Variants in SYT1 observed in about 807,000 individuals in gnomAD.
SYT1 encodes the protein synaptotagmin 1.
Under a neutral mutation model 44.8 loss-of-function variants are expected in SYT1, and 8 were observed. The ratio of observed to expected loss-of-function variants is 0.18; its 90% CI spans 0.10 to 0.32. The LOEUF (loss-of-function observed/expected upper bound fraction) is 0.32, where lower values mean the gene tolerates loss of function less well. Among genes scored for constraint, SYT1 ranks in the 10% least tolerant of loss-of-function variants. SYT1 has a pLI of 1.00. For missense variants in SYT1, 286 were observed against 509.3 expected, an observed-to-expected ratio of 0.56 and a Z score of 4.22; for synonymous variants, 154 against 188.8, an observed-to-expected ratio of 0.82 and a Z score of 1.51.
At chr12:78,895,192 A>G (rs1054745538) in intron 1 of SYT1, among the ~76,000 whole-genome samples, 45 of 151,744 alleles carry the variant, frequency 3.0e-4, no homozygotes, top group Admixed American at 1.3e-4. Flanking sequence ...TCATGAGAAT[A>G]TTACTTTTTT....
intron 1 of SYT1, among the ~76,000 whole-genome samples, chr12:78,964,696 T>C (rs1879682417): frequency 6.6e-6 from 1 of 152,176 alleles, no homozygotes; most frequent in South Asian, 2.1e-4. Context: ...CCTGTAAGTG[T>C]TATGACCTTA....
At chr12:79,072,414 T>C (rs1359792788) in intron 3 of SYT1, among the ~76,000 whole-genome samples, 6 of 152,256 alleles carry the variant, frequency 3.9e-5, no homozygotes, top group African/African-American at 1.4e-4. Flanking sequence ...TAATAAAGTT[T>C]GAAATTTTTG....
chr12:78,968,658 A>T (rs532254794), intron 1 of SYT1, among the ~76,000 whole-genome samples: 1 of 152,260 alleles, frequency 6.6e-6, no homozygotes, highest in East Asian at 1.9e-4. Context: ...TGATTGTTGA[A>T]CACTTCCCAA....
At chr12:79,116,740 T>C (rs575907004) in intron 3 of SYT1, among the ~76,000 whole-genome samples, 3 of 152,344 alleles carry the variant, frequency 2.0e-5, no homozygotes, top group South Asian at 2.1e-4. Flanking sequence ...TATTATAGGA[T>C]AACTATTTGC....
chr12:79,432,143 C>A (rs1328206470), intron 9 of SYT1, among the ~76,000 whole-genome samples: 2 of 151,328 alleles, frequency 1.3e-5, no homozygotes, highest in Non-Finnish European at 1.5e-5. Flanking sequence ...TAAAAAAGGG[C>A]CTACATTATT....
intron 9 of SYT1, among the ~76,000 whole-genome samples, chr12:79,417,940 C>T (rs2136148409): frequency 6.6e-6 from 1 of 152,184 alleles, no homozygotes; most frequent in East Asian, 1.9e-4. Flanking sequence ...CTAATCAGTT[C>T]CCAGGCAATG....
chr12:78,927,649 G>A (rs1473254582), intron 1 of SYT1, among the ~76,000 whole-genome samples: 1 of 152,066 alleles, frequency 6.6e-6, no homozygotes, highest in Non-Finnish European at 1.5e-5. Flanking sequence ...TCCTTCTTTA[G>A]ATGAAATTGT....
At chr12:79,073,344 C>T (rs1414641258) in intron 3 of SYT1, among the ~76,000 whole-genome samples, 2 of 152,104 alleles carry the variant, frequency 1.3e-5, no homozygotes, top group East Asian at 1.9e-4. Flanking sequence ...TTTTCATTTG[C>T]TCCATCAAAC....
intron 9 of SYT1, among the ~76,000 whole-genome samples, chr12:79,429,468 C>A (rs1339084206): frequency 6.6e-6 from 1 of 152,044 alleles, no homozygotes; most frequent in Non-Finnish European, 1.5e-5. Flanking sequence ...CTCGGCCTCC[C>A]AAACTGTGGG....
At chr12:79,285,539 G>T (rs1879266412) in intron 4 of SYT1, among the ~76,000 whole-genome samples, 1 of 152,172 alleles carries the variant, frequency 6.6e-6, no homozygotes, top group Non-Finnish European at 1.5e-5. Context: ...CTAGCTTGGA[G>T]AGTCAAGAAA....
chr12:79,130,654 T>A (rs547992348), intron 3 of SYT1, among the ~76,000 whole-genome samples: 1 of 152,276 alleles, frequency 6.6e-6, no homozygotes, highest in South Asian at 2.1e-4. Context: ...TATGTGAACA[T>A]CATCTGCTTG....
At chr12:79,131,411 T>C (rs1868813659) in intron 3 of SYT1, among the ~76,000 whole-genome samples, 1 of 152,076 alleles carries the variant, frequency 6.6e-6, no homozygotes, top group African/African-American at 2.4e-5. Flanking sequence ...TGTTTGTTTG[T>C]TTTGTGTGTG....
intron 3 of SYT1, among the ~76,000 whole-genome samples, chr12:79,074,935 T>C (rs1486270785): frequency 6.6e-6 from 1 of 152,130 alleles, no homozygotes; most frequent in African/African-American, 2.4e-5. Flanking sequence ...TTGTTTTCCA[T>C]GCAGTAGGAA....
chr12:79,025,348 A>G (rs551464719), intron 2 of SYT1, among the ~76,000 whole-genome samples: 2 of 151,934 alleles, frequency 1.3e-5, no homozygotes, highest in East Asian at 1.9e-4. Context: ...AGCCAAAGCT[A>G]TAATGACATT....
At chr12:78,931,035 G>A (rs1173879211) in intron 1 of SYT1, among the ~76,000 whole-genome samples, 3 of 151,046 alleles carry the variant, frequency 2.0e-5, no homozygotes, top group East Asian at 2.0e-4. Context: ...TGTGGCTCAC[G>A]CGTGAAATCC....
At chr12:79,384,092 A>G (rs1015046257) in intron 9 of SYT1, among the ~76,000 whole-genome samples, 4 of 152,156 alleles carry the variant, frequency 2.6e-5, no homozygotes, top group Non-Finnish European at 5.9e-5. Context: ...TTCATAAATT[A>G]AGGAAATTGA....
At chr12:78,876,077 G>T (rs940932389) in intron 1 of SYT1, among the ~76,000 whole-genome samples, 1 of 151,370 alleles carries the variant, frequency 6.6e-6, no homozygotes, top group African/African-American at 2.4e-5. Flanking sequence ...GTATATTTTT[G>T]ATTATATCCT....
chr12:79,121,574 C>G (rs998752395), intron 3 of SYT1, among the ~76,000 whole-genome samples: 2 of 152,212 alleles, frequency 1.3e-5, no homozygotes, highest in African/African-American at 2.4e-5. Context: ...TCAGGACTTG[C>G]TAACCACAAT....
chr12:79,135,791 C>T (rs1431008305), intron 3 of SYT1, among the ~76,000 whole-genome samples: 4 of 152,124 alleles, frequency 2.6e-5, no homozygotes, highest in Non-Finnish European at 4.4e-5. Context: ...ATGGTGAATG[C>T]GTGCTTTTTC....
Sources: allele counts gnomAD v4.1 joint callset (sites outside exome capture counted in the v4.1 genomes callset), GRCh38; gene constraint gnomAD v4.1.1; transcripts MANE v1.5; gene names NCBI Gene and HGNC (gene_info 2026-07-23, HGNC 2026-07-21).